RPS6KA6: variants seen among roughly 807,000 people sequenced by gnomAD.
RPS6KA6 encodes the protein ribosomal protein S6 kinase alpha-6.
In RPS6KA6, 27 loss-of-function variants were observed where a neutral mutation model predicts 65.4. The observed-to-expected ratio is 0.41, with a 90% CI of 0.30 to 0.57. The LOEUF is 0.57. RPS6KA6 is among the 20% of genes least tolerant of loss of function. RPS6KA6 has a pLI of 0.24. For missense variants in RPS6KA6, 486 were observed against 555.6 expected, an observed-to-expected ratio of 0.87 and a Z score of 1.26; for synonymous variants, 190 against 184.2, an observed-to-expected ratio of 1.03 and a Z score of -0.26.
At chrX:84,174,169 T>C (rs2035728231) in intron 1 of RPS6KA6, among the ~76,000 whole-genome samples, 1 of 111,966 alleles carries the variant, frequency 8.9e-6, no homozygotes, top group African/African-American at 3.2e-5. Flanking sequence ...GGTTTATTAA[T>C]ATCTATGGTC....
At chrX:84,146,770 TA>T (rs778996434) in intron 5 of RPS6KA6, among the ~76,000 whole-genome samples, 86 of 111,852 alleles carry the variant, frequency 7.7e-4, no homozygotes, top group Admixed American at 5.7e-4. Flanking sequence ...TTAAACAAGT[TA>T]ATCAACTTAG....
intron 8 of RPS6KA6, among the ~76,000 whole-genome samples, chrX:84,126,825 T>A (rs2034799281): frequency 9.1e-6 from 1 of 110,432 alleles, no homozygotes. Flanking sequence ...ACATAAAAAA[T>A]CCTATGGAAT....
chrX:84,117,509 TA>T, intron 9 of RPS6KA6, 55 bp from the exon 10 acceptor site: 1 of 746,173 alleles, frequency 1.3e-6, no homozygotes, highest in Non-Finnish European at 1.9e-6. Flanking sequence ...GAATATATAA[TA>T]AGATTCTCTA....
chrX:84,122,957 G>A (rs1311888023), intron 8 of RPS6KA6, among the ~76,000 whole-genome samples: 1 of 111,514 alleles, frequency 9.0e-6, no homozygotes, highest in African/African-American at 3.3e-5. Context: ...AAGGAGGAAG[G>A]AACAAAAAGT....
intron 12 of RPS6KA6, among the ~76,000 whole-genome samples, chrX:84,111,095 A>G (rs940941372): frequency 3.7e-5 from 4 of 108,859 alleles, no homozygotes; most frequent in Non-Finnish European, 1.9e-5. Context: ...CATGCATAAG[A>G]AATAATTTTG....
upstream of RPS6KA6, among the ~76,000 whole-genome samples, chrX:84,188,226 C>T (rs1321388514): frequency 1.8e-5 from 2 of 112,081 alleles, no homozygotes; most frequent in African/African-American, 3.2e-5. Flanking sequence ...TCCTCGGGTC[C>T]CCTCCCCGCT....
intron 18 of RPS6KA6, among the ~76,000 whole-genome samples, chrX:84,099,691 T>G (rs1331399600): frequency 9.0e-6 from 1 of 111,517 alleles, no homozygotes; most frequent in East Asian, 2.8e-4. Flanking sequence ...TAATAACAGT[T>G]GAATAATATA....
chrX:84,078,588 A>C (rs889764083), intron 20 of RPS6KA6, among the ~76,000 whole-genome samples: 10 of 112,568 alleles, frequency 8.9e-5, no homozygotes, highest in African/African-American at 3.2e-4. Flanking sequence ...AAAAAGAAAT[A>C]TTATCCAGCA....
At chrX:84,069,318 A>G (rs1248989029) in intron 20 of RPS6KA6, among the ~76,000 whole-genome samples, 1 of 112,006 alleles carries the variant, frequency 8.9e-6, no homozygotes, top group Non-Finnish European at 1.9e-5. Flanking sequence ...TGGGGAAAGG[A>G]TCCCCTATTT....
At chrX:84,152,605 T>C (rs899673156) in intron 3 of RPS6KA6, among the ~76,000 whole-genome samples, 2 of 111,723 alleles carry the variant, frequency 1.8e-5, no homozygotes, top group Non-Finnish European at 3.8e-5. Flanking sequence ...TATGTACTCA[T>C]TAGTTATTCA....
At chrX:84,173,436 G>A (rs1478823063) in intron 1 of RPS6KA6, among the ~76,000 whole-genome samples, 4 of 111,732 alleles carry the variant, frequency 3.6e-5, no homozygotes, top group Non-Finnish European at 7.5e-5. Context: ...TGTTCCTAAA[G>A]CAGCTGGCAC....
intron 3 of RPS6KA6, among the ~76,000 whole-genome samples, chrX:84,151,051 G>C (rs2035306042): frequency 1.1e-5 from 1 of 87,100 alleles, no homozygotes; most frequent in Admixed American, 1.4e-4. Flanking sequence ...ATATATAGAG[G>C]ATAGATATAT....
At chrX:84,171,917 G>A in intron 1 of RPS6KA6, among the ~76,000 whole-genome samples, 1 of 110,906 alleles carries the variant, frequency 9.0e-6, no homozygotes, top group East Asian at 2.8e-4. Context: ...CCACTTATGA[G>A]TGAGAACATG....
chrX:84,186,013 T>A, intron 1 of RPS6KA6: 1 of 506,923 alleles, frequency 2.0e-6, no homozygotes, highest in Non-Finnish European at 3.5e-6. Flanking sequence ...TAACCAATCA[T>A]AACTGTTTTA....
chrX:84,148,140 C>CAAA lies in RPS6KA6; in HGVS notation c.259-20_259-18dup. ...AAGAAAAACCTAATAGAAAATTGAA[C>CAAA]AAAAAAAAAAAGGAAAATTCACATT... On this transcript the variant is annotated splice_polypyrimidine_tract_variant and intron_variant, in intron 3 of 21. Coordinates refer to ENST00000262752, the MANE Select transcript of RPS6KA6 (RefSeq NM_014496.5). 7 of 774,894 alleles carry CAAA rather than the reference C, an allele frequency of 9.0e-6. No individual in the cohort carries two copies. Among genetic ancestry groups the CAAA allele is most frequent in the Admixed American group, 3.7e-5 (1 of 27,265 alleles). 63.9% of individuals were successfully genotyped at this position (774,894 alleles called of 1,213,427 possible).
In RPS6KA6 at chrX:84,061,969, T is replaced by C. The variant is rs2033308065; in HGVS notation, c.*2308A>G. The stretch of plus-strand genomic sequence containing the variant: ...ACAAAATGACAGTATGTTTTGAAGC[T>C]CTCCCATATAATAAGGTTGCCCCCT... On this transcript the variant is annotated 3_prime_UTR_variant, in exon 22 of 22. Transcript: ENST00000262752. 9.0e-6 allele frequency: 1 copy of C among 111,319 alleles called. No homozygotes were observed. Among genetic ancestry groups the C allele is most frequent in the Admixed American group, 9.6e-5 (1 of 10,448 alleles). The allele number at this position is 111,319 out of a possible 1,213,427, so 9.2% of individuals were successfully genotyped here. A position where few individuals can be genotyped will look rare whatever the true frequency, so the allele number is the denominator to read the frequency against.
At chrX:84,092,630 A>C (rs1038155916) in intron 20 of RPS6KA6, among the ~76,000 whole-genome samples, 2 of 110,426 alleles carry the variant, frequency 1.8e-5, no homozygotes, top group Admixed American at 1.9e-4. Context: ...CAAAAAAAAA[A>C]AATGCAATGA....
chrX:84,074,778 T>C (rs989947729), intron 20 of RPS6KA6, among the ~76,000 whole-genome samples: 6 of 111,451 alleles, frequency 5.4e-5, no homozygotes, highest in African/African-American at 2.0e-4. Flanking sequence ...TCTCAAAAAT[T>C]AGTGGGCAGG....
At chrX:84,161,681 C>T (rs1298974565) in intron 2 of RPS6KA6, among the ~76,000 whole-genome samples, 1 of 111,614 alleles carries the variant, frequency 9.0e-6, no homozygotes, top group Non-Finnish European at 1.9e-5. Context: ...GAATTCTTAA[C>T]AGACACATGT....
Sources: allele counts gnomAD v4.1 joint callset (sites outside exome capture counted in the v4.1 genomes callset), GRCh38; gene constraint gnomAD v4.1.1; transcripts MANE v1.5; gene names NCBI Gene and HGNC (gene_info 2026-07-23, HGNC 2026-07-21).